Variants in SIX3 observed in about 807,000 individuals in gnomAD.
The protein encoded by SIX3 is homeobox protein SIX3.
In SIX3, 2 loss-of-function variants were observed where a neutral mutation model predicts 21.7. The observed-to-expected ratio is 0.09, with a 90% CI of 0.04 to 0.29. The LOEUF (loss-of-function observed/expected upper bound fraction) is 0.29. Ranked by LOEUF, SIX3 falls within the 10% of genes least tolerant of loss-of-function variation. SIX3 has a pLI of 1.00. For missense variants in SIX3, 347 were observed against 480.7 expected (o/e 0.72, Z 2.60); for synonymous variants, 243 against 220.6 (o/e 1.10, Z -0.90).
At position 44,944,675 on chromosome 2, in the gene SIX3, C is replaced by G. The variant is rs1666653575; in HGVS notation, c.914C>G (p.Thr305Ser). The change falls in exon 2 of 2, where the codon ACC becomes AGC. Residue 305 changes from threonine (T) to serine (S), a missense_variant. Thr to Ser is a moderately conservative substitution (Grantham distance 58). This residue lies in a region of SIX3 where 110 missense variants were observed against 93.3 expected (regional missense o/e 1.18). Transcript: ENST00000260653. ...CCGTCCACGGCGGCCAGCCCGACCA[C>G]CAGCGTGTCCAGCCTGACGGAGCGC... Reference protein sequence around the residue: ...ESPSTAASPTTSVSSLTERAD... With the variant: ...ESPSTAASPTSSVSSLTERAD... 2 of 1,583,394 alleles carry G rather than the reference C, an allele frequency of 1.3e-6. No individual in the cohort carries two copies. Among genetic ancestry groups the G allele is most frequent in the Non-Finnish European group, 1.7e-6 (2 of 1,172,560 alleles).
At position 44,944,703 on chromosome 2, in the gene SIX3, A is replaced by T. The variant is rs338074; in HGVS notation, c.942A>T (p.Ala314=). Residue 314 remains alanine (A), a synonymous_variant, in exon 2 of 2, where the codon GCA becomes GCT. Coordinates refer to ENST00000260653, the MANE Select transcript of SIX3 (RefSeq NM_005413.4). ...GCGTGTCCAGCCTGACGGAGCGCGC[A>T]GACACCGGCACCTCCATCCTCTCGG... ...TTSVSSLTER[A]DTGTSILSVT... The T allele has an allele frequency of 6.3e-7, 1 of 1,586,862 alleles. No individual in the cohort carries two copies. The highest frequency in any genetic ancestry group is 1.1e-5 in the South Asian group (1 of 89,072).
chr2:44,943,761 T>C lies in SIX3; in HGVS notation c.807-807T>C, dbSNP rs191590494. Among the ~76,000 whole-genome samples, 242 of 152,326 alleles carry C rather than the reference T, an allele frequency of 1.6e-3. 3 individuals carry two copies. The highest frequency in any genetic ancestry group is 5.5e-3 in the African/African-American group (230 of 41,570). On this transcript the variant is annotated intron_variant, in intron 1 of 1. Coordinates refer to ENST00000260653, the MANE Select transcript of SIX3 (RefSeq NM_005413.4). ...GGTGAAAGCCCTGATGTGGAGCCTG[T>C]GTCTTTCTCTATCCAGCCAGGAAGG...
Position 44,944,930 on chromosome 2 carries a change from C to A in SIX3, c.*170C>A. 1 of 643,904 alleles carries A rather than the reference C, an allele frequency of 1.6e-6. No individual in the cohort carries two copies. Among genetic ancestry groups the A allele is most frequent in the Non-Finnish European group, 2.7e-6 (1 of 365,938 alleles). The allele number at this position is 643,904 out of a possible 1,614,324, so 39.9% of individuals were successfully genotyped here. A position where few individuals can be genotyped will look rare whatever the true frequency, so the allele number is the denominator to read the frequency against. On this transcript the variant is annotated 3_prime_UTR_variant, in exon 2 of 2. Coordinates refer to ENST00000260653, the MANE Select transcript of SIX3 (RefSeq NM_005413.4). The stretch of plus-strand genomic sequence containing the variant: ...ATACAAGTCCACACACACTCCCACC[C>A]CAGCCAAAAATATATAAAAAACAAG...
Position 44,942,056 on chromosome 2 carries a change from C to A in SIX3, c.-49C>A. On this transcript the variant is annotated 5_prime_UTR_variant, in exon 1 of 2. Transcript: ENST00000260653. This position sits in a 1 kb window ranked among gnomAD's most constrained non-coding sequence, Gnocchi z 8.4. ...ATCGCCCCTCTCCTCCTCTTCCTCC[C>A]CTCTCTCTTCCTCTCCCTGAATTTT... The A allele has an allele frequency of 6.8e-7, 1 of 1,470,822 alleles. No homozygotes were observed. The highest frequency in any genetic ancestry group is 2.3e-4 in the Middle Eastern group (1 of 4,308). The allele number at this position is 1,470,822 out of a possible 1,614,324, so 91.1% of individuals were successfully genotyped here. A position where few individuals can be genotyped will look rare whatever the true frequency, so the allele number is the denominator to read the frequency against.
chr2:44,943,846 TG>T (rs1666635062), intron 1 of SIX3, among the ~76,000 whole-genome samples: 2 of 152,040 alleles, frequency 1.3e-5, no homozygotes, highest in South Asian at 4.1e-4. Context: ...TGCCCGTGGG[TG>T]GGGGCTGGGT....
In SIX3 at chr2:44,944,829, T is replaced by A; in HGVS notation, c.*69T>A. The A allele has an allele frequency of 8.2e-7, 1 of 1,225,186 alleles. No individual in the cohort carries two copies. The highest frequency in any genetic ancestry group is 2.2e-5 in the Admixed American group (1 of 45,794). The allele number at this position is 1,225,186 out of a possible 1,614,324, so 75.9% of individuals were successfully genotyped here. A position where few individuals can be genotyped will look rare whatever the true frequency, so the allele number is the denominator to read the frequency against. On this transcript the variant is annotated 3_prime_UTR_variant, in exon 2 of 2. Transcript: ENST00000260653. ...CTCCTTCCCCTCCGCCTCCTAGCCCTCCTCCTCTTCCTCCTCTTCCTTCTC... is the reference window on the plus strand; with the variant it reads ...CTCCTTCCCCTCCGCCTCCTAGCCCACCTCCTCTTCCTCCTCTTCCTTCTC...
At chr2:44,943,480 CGTGTGT>C (rs985686670) in intron 1 of SIX3, among the ~76,000 whole-genome samples, 2 of 152,256 alleles carry the variant, frequency 1.3e-5, no homozygotes, top group African/African-American at 4.8e-5. Context: ...TGTGCGTGTG[CGTGTGT>C]GTGTGCACGC....
In SIX3 at chr2:44,944,980, A is replaced by C; in HGVS notation, c.*220A>C. On this transcript the variant is annotated 3_prime_UTR_variant, in exon 2 of 2. Coordinates refer to ENST00000260653, the MANE Select transcript of SIX3 (RefSeq NM_005413.4). ...GAAAATAACAAATTAACCGCAAACT[A>C]TCAACAACCCCCAACCACCATCTAC... is the stretch of plus-strand genomic sequence containing the variant. The C allele has an allele frequency of 5.1e-6, 3 of 591,242 alleles. No homozygotes were observed. Among genetic ancestry groups the C allele is most frequent in the Non-Finnish European group, 6.1e-6 (2 of 330,112 alleles). The allele number at this position is 591,242 out of a possible 1,614,324, so 36.6% of individuals were successfully genotyped here.
Position 44,944,745 on chromosome 2 carries a change from G to A in SIX3, c.984G>A (p.Ser328=), listed in dbSNP as rs1232352852. The change falls in exon 2 of 2, where the codon TCG becomes TCA. Residue 328 remains serine, a synonymous_variant. Transcript: ENST00000260653. ...TSILSVTSSD[S]ECDV is the part of the protein sequence containing the mutation. ...TCCTCTCGGTAACCTCCAGCGACTC[G>A]GAATGTGATGTATGATAGCCAAGGC... The A allele has an allele frequency of 1.3e-6, 2 of 1,585,790 alleles. No individual in the cohort carries two copies. Among genetic ancestry groups the A allele is most frequent in the South Asian group, 1.1e-5 (1 of 88,752 alleles).
At position 44,941,901 on chromosome 2, in the gene SIX3, G is replaced by GGTGT. The variant is rs142044497; in HGVS notation, c.-192_-189dup. Reference sequence around the variant, plus strand: ...ACCTCCCTCTCTATGTGGCTGCGCGGGTGTGTGTGTGTGTGGATGTGTGTG... The same window carrying GGTGT: ...ACCTCCCTCTCTATGTGGCTGCGCGGGTGTGTGTGTGTGTGTGTGGATGTGTGTG... On this transcript the variant is annotated 5_prime_UTR_variant, in exon 1 of 2. The change abolishes the stop of an existing upstream ORF in the 5' untranslated region. Transcript: ENST00000260653. 2 of 476,248 alleles carry GGTGT rather than the reference G, an allele frequency of 4.2e-6. No individual in the cohort carries two copies. Among genetic ancestry groups the GGTGT allele is most frequent in the Admixed American group, 2.7e-5 (1 of 37,650 alleles). 29.5% of individuals were successfully genotyped at this position (476,248 alleles called of 1,614,324 possible). A position where few individuals can be genotyped will look rare whatever the true frequency, so the allele number is the denominator to read the frequency against.
chr2:44,943,631 A>G (rs1011932198), intron 1 of SIX3, among the ~76,000 whole-genome samples: 9 of 152,282 alleles, frequency 5.9e-5, no homozygotes, highest in Non-Finnish European at 8.8e-5. Context: ...GGCTTGACCA[A>G]CATCACAGGA....
Position 44,942,222 on chromosome 2 carries a change from G to C in SIX3, c.118G>C (p.Gly40Arg). The change falls in exon 1 of 2, where the codon GGC (glycine) becomes CGC (arginine). Residue 40 changes from glycine (G) to arginine (R), a missense_variant. Gly to Arg is a moderately radical substitution (Grantham distance 125). Transcript: ENST00000260653. The surrounding 1 kb of genome is among the most constrained non-coding windows in gnomAD (Gnocchi z 8.4). ...ASSGGGNGAG[G>R]GGGAGGGSGG... ...TAGCGGCGGCGGGAACGGTGCGGGA[G>C]GCGGCGGCGGCGCGGGAGGCGGCAG... 1 of 1,584,026 alleles carries C rather than the reference G, an allele frequency of 6.3e-7. No homozygotes were observed. Among genetic ancestry groups the C allele is most frequent in the Middle Eastern group, 1.8e-4 (1 of 5,496 alleles).
In SIX3 at chr2:44,942,323, C is replaced by T. The variant is rs186163123; in HGVS notation, c.219C>T (p.Pro73=). Residue 73 remains proline (P), a synonymous_variant, in exon 1 of 2, where the codon CCC becomes CCT. Transcript: ENST00000260653. This position sits in a 1 kb window ranked among gnomAD's most constrained non-coding sequence, Gnocchi z 8.4. ...GCGGCGGCGGCGGCTCCAGGGCCCC[C>T]CCGGAAGAGTTGTCCATGTTCCAGC... ...GGGGGGGSRA[P]PEELSMFQLP... The T allele has an allele frequency of 1.3e-3, 2,038 of 1,593,348 alleles. 2 individuals are homozygous for T. Among genetic ancestry groups the T allele is most frequent in the Non-Finnish European group, 1.6e-3 (1,920 of 1,177,522 alleles).
rs78018362 is a variant in SIX3 at position 44,942,194 on chromosome 2, G to T, written c.90G>T (p.Ala30=). The T allele has an allele frequency of 0.019, 30,746 of 1,596,786 alleles. 678 individuals carry two copies. Among genetic ancestry groups the T allele is most frequent in the Admixed American group, 0.081 (4,868 of 59,904 alleles). The change falls in exon 1 of 2, where the codon GCG becomes GCT. Residue 30 remains alanine, a synonymous_variant. Transcript: ENST00000260653. The surrounding 1 kb of genome is among the most constrained non-coding windows in gnomAD (Gnocchi z 8.4). ...ADSHHRSILL[A]SSGGGNGAGG... The stretch of plus-strand genomic sequence containing the variant: ...CTCACCACCGCTCCATACTTCTGGC[G>T]AGTAGCGGCGGCGGGAACGGTGCGG...
rs779124694 is a variant in SIX3 at position 44,942,143 on chromosome 2, C to T, written c.39C>T (p.His13=). The change falls in exon 1 of 2, where the codon CAC becomes CAT. Residue 13 remains histidine, a synonymous_variant. Coordinates refer to ENST00000260653, the MANE Select transcript of SIX3 (RefSeq NM_005413.4). This position sits in a 1 kb window ranked among gnomAD's most constrained non-coding sequence, Gnocchi z 8.4. ...CCCCCCTAGACCTCTATTCCTCCCA[C>T]TTCTTGTTGCCAAACTTCGCCGATT... ...FRSPLDLYSS[H]FLLPNFADSH... is the part of the protein sequence containing the mutation. 3.1e-6 allele frequency: 5 copies of T among 1,598,258 alleles called. No homozygotes were observed. The highest frequency in any genetic ancestry group is 2.2e-5 in the South Asian group (2 of 91,042).
At position 44,942,144 on chromosome 2, in the gene SIX3, T is replaced by G; in HGVS notation, c.40T>G (p.Phe14Val). Residue 14 changes from phenylalanine (F) to valine (V), a missense_variant, in exon 1 of 2, where the codon TTC (phenylalanine) becomes GTC (valine). Coordinates refer to ENST00000260653, the MANE Select transcript of SIX3 (RefSeq NM_005413.4). The surrounding 1 kb of genome is among the most constrained non-coding windows in gnomAD (Gnocchi z 8.4). ...CCCCCTAGACCTCTATTCCTCCCACTTCTTGTTGCCAAACTTCGCCGATTC... is the reference window on the plus strand; with the variant it reads ...CCCCCTAGACCTCTATTCCTCCCACGTCTTGTTGCCAAACTTCGCCGATTC... ...RSPLDLYSSHFLLPNFADSHH... is the reference protein window; with the variant it reads ...RSPLDLYSSHVLLPNFADSHH... The G allele has an allele frequency of 6.3e-7, 1 of 1,595,792 alleles. No individual in the cohort carries two copies. Among genetic ancestry groups the G allele is most frequent in the Non-Finnish European group, 8.5e-7 (1 of 1,177,816 alleles).
chr2:44,944,792 C>G lies in SIX3; in HGVS notation c.*32C>G. The G allele has an allele frequency of 6.5e-7, 1 of 1,538,576 alleles. No homozygotes were observed. Among genetic ancestry groups the G allele is most frequent in the African/African-American group, 1.4e-5 (1 of 73,398 alleles). On this transcript the variant is annotated 3_prime_UTR_variant, in exon 2 of 2. Transcript: ENST00000260653. ...AGGCCGCCCTCCTCCCTCTCCTTCC[C>G]CTCCTCCCCCACTCCTTCCCCTCCG...
rs753628024 is a variant in SIX3 at position 44,942,276 on chromosome 2, G to T, written c.172G>T (p.Gly58Cys). Residue 58 changes from glycine to cysteine, a missense_variant, in exon 1 of 2, where the codon GGT becomes TGT. This residue lies in a region of SIX3 where 105 missense variants were observed against 116.1 expected (regional missense o/e 0.90). Transcript: ENST00000260653. This position sits in a 1 kb window ranked among gnomAD's most constrained non-coding sequence, Gnocchi z 8.4. ...SGGGNGAGGG[G>C]AGGAGGGGGG... ...CGGCGGGAACGGTGCGGGAGGCGGCGGTGCTGGCGGAGCAGGCGGCGGCGG... is the reference window on the plus strand; with the variant it reads ...CGGCGGGAACGGTGCGGGAGGCGGCTGTGCTGGCGGAGCAGGCGGCGGCGG... The T allele has an allele frequency of 3.1e-5, 48 of 1,539,328 alleles. No homozygotes were observed. The highest frequency in any genetic ancestry group is 3.7e-5 in the Non-Finnish European group (43 of 1,149,716).
In SIX3 at chr2:44,945,931, A is replaced by G. The variant is rs1347752203; in HGVS notation, c.*1171A>G. On this transcript the variant is annotated 3_prime_UTR_variant, in exon 2 of 2. Coordinates refer to ENST00000260653, the MANE Select transcript of SIX3 (RefSeq NM_005413.4). ...GTGAGATTGTAGTATTCTTATGCAA[A>G]AGCTATTTCCAGTATTTCTTAGCAG... The G allele has an allele frequency of 6.6e-6, 1 of 152,240 alleles. No homozygotes were observed. Among genetic ancestry groups the G allele is most frequent in the Admixed American group, 6.5e-5 (1 of 15,284 alleles). The allele number at this position is 152,240 out of a possible 1,614,324, so 9.4% of individuals were successfully genotyped here.
Sources: allele counts gnomAD v4.1 joint callset (sites outside exome capture counted in the v4.1 genomes callset), GRCh38; gene constraint gnomAD v4.1.1; regional missense constraint gnomAD v4.1.1; non-coding constraint Gnocchi (gnomAD v3.1); transcripts MANE v1.5; gene names NCBI Gene and HGNC (gene_info 2026-07-23, HGNC 2026-07-21).